Variants in P2RX5 observed in about 807,000 individuals in gnomAD.
P2RX5 encodes P2X purinoceptor 5.
Under a neutral mutation model 54.1 loss-of-function variants are expected in P2RX5, and 46 were observed. That is an observed-to-expected ratio of 0.85 (90% CI 0.67 to 1.09). P2RX5 has a LOEUF of 1.09. P2RX5 is among the 50% of genes least tolerant of loss of function. The pLI is 0.00. For synonymous variants in P2RX5, 226 were observed against 226.4 expected (o/e 1.00, Z 0.02); for missense variants, 566 against 549.8 (o/e 1.03, Z -0.29).
the P2RX5 span, chr17:3,716,703 C>A: frequency 1.3e-6 from 2 of 1,596,612 alleles, no homozygotes; most frequent in East Asian, 2.2e-5. Context: ...ACAGGATGAC[C>A]AGAATCACGA....
chr17:3,698,595 G>C (rs1395560439), upstream of P2RX5, among the ~76,000 whole-genome samples: 1 of 152,140 alleles, frequency 6.6e-6, no homozygotes, highest in Non-Finnish European at 1.5e-5. Flanking sequence ...TACTGGAGAG[G>C]CTGAACTGCC....
the P2RX5 span, among the ~76,000 whole-genome samples, chr17:3,702,383 G>A: frequency 2.0e-5 from 3 of 152,246 alleles, no homozygotes; most frequent in Middle Eastern, 3.4e-3. Context: ...GGACCAATCA[G>A]CGCTCTATAA....
intron 11 of P2RX5, chr17:3,677,224 A>G: frequency 2.0e-6 from 2 of 985,358 alleles, no homozygotes; most frequent in Non-Finnish European, 2.4e-6. Context: ...GAGTGGCGCC[A>G]TCCTTGATCT....
chr17:3,711,594 C>T, the P2RX5 span, among the ~76,000 whole-genome samples: 2 of 152,116 alleles, frequency 1.3e-5, no homozygotes, highest in East Asian at 3.9e-4. Flanking sequence ...GTTGGTCAGG[C>T]TGCTCTCAAG....
chr17:3,715,661 T>C, the P2RX5 span, among the ~76,000 whole-genome samples: 3 of 152,118 alleles, frequency 2.0e-5, no homozygotes, highest in East Asian at 3.8e-4. Flanking sequence ...GAGACCAGCC[T>C]GGGCAATATA....
chr17:3,683,729 CAAAAA>C (rs59622313), intron 9 of P2RX5, among the ~76,000 whole-genome samples: 118 of 58,588 alleles, frequency 2.0e-3, no homozygotes, highest in African/African-American at 6.3e-3. Flanking sequence ...GACTCCGTCT[CAAAAA>C]AAAAAAAAAA....
At chr17:3,720,386 GT>G in the P2RX5 span, 1 of 1,538,042 alleles carries the variant, frequency 6.5e-7, no homozygotes, top group Non-Finnish European at 9.0e-7. Context: ...CTGCAGTTCA[GT>G]TACATCTTTT....
intron 6 of P2RX5, among the ~76,000 whole-genome samples, 199 bp downstream of exon 6, chr17:3,689,871 C>T (rs938810673): frequency 5.9e-5 from 9 of 152,094 alleles, no homozygotes; most frequent in African/African-American, 1.2e-4. Flanking sequence ...CGCACACACG[C>T]GAACACACGC....
chr17:3,681,797 C>A (rs1282793230), intron 10 of P2RX5, 99 bp downstream of exon 10: 3 of 827,042 alleles, frequency 3.6e-6, no homozygotes, highest in Non-Finnish European at 6.4e-6. Context: ...CCCCTGCCTC[C>A]CACCCCAGCC....
chr17:3,722,167 TGAAAGAAAG>T, the P2RX5 span, among the ~76,000 whole-genome samples: 38 of 131,398 alleles, frequency 2.9e-4, no homozygotes, highest in African/African-American at 9.7e-4. Flanking sequence ...AACTCCGTCT[TGAAAGAAAG>T]AAAAGAAAAG....
chr17:3,676,355 G>A (rs1455630583), intron 11 of P2RX5: 5 of 985,336 alleles, frequency 5.1e-6, no homozygotes, highest in African/African-American at 1.7e-5. Flanking sequence ...AACCACACGA[G>A]TTTTCGGCAA....
chr17:3,694,240 A>G (rs2050696225), intron 1 of P2RX5, among the ~76,000 whole-genome samples: 1 of 151,552 alleles, frequency 6.6e-6, no homozygotes, highest in South Asian at 2.1e-4. Flanking sequence ...GAAAAAAAAA[A>G]AAAAAGGCCG....
intron 9 of P2RX5, among the ~76,000 whole-genome samples, chr17:3,683,248 A>C (rs1396892324): frequency 1.3e-5 from 2 of 152,084 alleles, no homozygotes; most frequent in Non-Finnish European, 2.9e-5. Flanking sequence ...GGGGCCAACA[A>C]GGAATCTTGG....
upstream of P2RX5, among the ~76,000 whole-genome samples, chr17:3,697,293 C>G (rs1245506673): frequency 6.6e-6 from 1 of 152,184 alleles, no homozygotes; most frequent in Non-Finnish European, 1.5e-5. Flanking sequence ...ATGACTGCAA[C>G]CCTCTCAGTA....
chr17:3,688,913 A>G (rs1167828621), intron 7 of P2RX5, among the ~76,000 whole-genome samples, 154 bp from the exon 8 acceptor site: 1 of 151,984 alleles, frequency 6.6e-6, no homozygotes, highest in African/African-American at 2.4e-5. Context: ...TAGTCCCCCC[A>G]TGGAGCGGCT....
intron 2 of P2RX5, 76 bp from the exon 3 acceptor site, chr17:3,691,103 A>G: frequency 9.1e-7 from 1 of 1,099,678 alleles, no homozygotes; most frequent in South Asian, 1.3e-5. Context: ...CGTTACCTGA[A>G]AGAGGGCGGT....
chr17:3,717,356 G>A, the P2RX5 span: 544 of 152,644 alleles, frequency 3.6e-3, 1 homozygote, highest in Non-Finnish European at 5.8e-3. Context: ...TATTACCTAA[G>A]GGACATAATA....
the P2RX5 span, among the ~76,000 whole-genome samples, chr17:3,703,842 T>C: frequency 6.6e-6 from 1 of 152,220 alleles, no homozygotes; most frequent in Non-Finnish European, 1.5e-5. Context: ...GGCTCACGCC[T>C]GTAATCCCAG....
chr17:3,690,560 C>T (rs2050584191), intron 4 of P2RX5, 37 bp from the exon 5 acceptor site: 4 of 1,612,286 alleles, frequency 2.5e-6, no homozygotes, highest in Non-Finnish European at 2.5e-6. Flanking sequence ...CAGGAGCCTC[C>T]CACTCCGAGT....
Sources: gnomAD v4.1 joint callset for allele counts (sites outside exome capture counted in the v4.1 genomes callset) on GRCh38, gnomAD v4.1.1 for gene constraint, MANE v1.5 for transcripts, NCBI Gene and HGNC (gene_info 2026-07-23, HGNC 2026-07-21) for gene names.